ARHGAP42: variants seen among roughly 807,000 people sequenced by gnomAD.
ARHGAP42 encodes the protein Rho GTPase activating protein 42.
ARHGAP42 carries 63 observed loss-of-function variants against 125.0 expected under a neutral mutation model. The ratio of observed to expected loss-of-function variants is 0.50; its 90% confidence interval spans 0.41 to 0.62. The LOEUF (loss-of-function observed/expected upper bound fraction) is 0.62. Ranked by LOEUF, ARHGAP42 falls within the 20% of genes least tolerant of loss-of-function variation. The pLI is 0.00. For synonymous variants in ARHGAP42, 339 were observed against 351.0 expected, an observed-to-expected ratio of 0.97 and a Z score of 0.38; for missense variants, 766 against 1,024.2, an observed-to-expected ratio of 0.75 and a Z score of 3.44.
intron 4 of ARHGAP42, among the ~76,000 whole-genome samples, chr11:100,912,635 A>G (rs1555023197): frequency 6.6e-6 from 1 of 152,216 alleles, no homozygotes; most frequent in Non-Finnish European, 1.5e-5. Context: ...CATTTATAGT[A>G]GTAGAAGATT....
At chr11:100,913,248 A>G (rs1381480272) in intron 4 of ARHGAP42, among the ~76,000 whole-genome samples, 1 of 152,182 alleles carries the variant, frequency 6.6e-6, no homozygotes, top group African/African-American at 2.4e-5. Context: ...CGCAAGATGG[A>G]AAGCTTTTTT....
chr11:100,913,611 T>C (rs916446025), intron 5 of ARHGAP42, 58 bp downstream of exon 5: 22 of 946,730 alleles, frequency 2.3e-5, no homozygotes, highest in Admixed American at 1.8e-4. Context: ...AGTCAAAATT[T>C]CCAAAGGTAA....
intron 4 of ARHGAP42, among the ~76,000 whole-genome samples, chr11:100,864,782 T>A (rs1457382177): frequency 2.0e-5 from 3 of 152,152 alleles, no homozygotes; most frequent in African/African-American, 7.2e-5. Flanking sequence ...GTGTGAAATA[T>A]CTTCGTTATC....
intron 22 of ARHGAP42, among the ~76,000 whole-genome samples, chr11:100,981,154 T>C (rs1399051349): frequency 2.0e-5 from 3 of 152,200 alleles, no homozygotes; most frequent in Non-Finnish European, 4.4e-5. Flanking sequence ...ATCCATACAA[T>C]GAAGATCATA....
chr11:100,767,849 G>A (rs533690781), intron 1 of ARHGAP42, among the ~76,000 whole-genome samples: 1 of 152,172 alleles, frequency 6.6e-6, no homozygotes, highest in East Asian at 1.9e-4. Context: ...TAAGTCTCAG[G>A]GAGAGCACCC....
chr11:100,720,229 C>T (rs564174414), intron 1 of ARHGAP42, among the ~76,000 whole-genome samples: 3 of 152,078 alleles, frequency 2.0e-5, no homozygotes, highest in Non-Finnish European at 4.4e-5. Flanking sequence ...AATTCAGCAG[C>T]CTTTTACTGA....
chr11:100,958,841 C>G (rs895911228), intron 12 of ARHGAP42, among the ~76,000 whole-genome samples: 2 of 152,030 alleles, frequency 1.3e-5, no homozygotes, highest in Admixed American at 1.3e-4. Flanking sequence ...GCCTTTCTGT[C>G]AATCAATTCA....
At chr11:100,777,874 G>A (rs1863168181) in intron 2 of ARHGAP42, among the ~76,000 whole-genome samples, 1 of 152,096 alleles carries the variant, frequency 6.6e-6, no homozygotes, top group African/African-American at 2.4e-5. Flanking sequence ...TTTGTCTAGT[G>A]GTATTGTGAT....
chr11:100,771,750 C>T (rs577232370), intron 2 of ARHGAP42, among the ~76,000 whole-genome samples: 1 of 152,250 alleles, frequency 6.6e-6, no homozygotes, highest in South Asian at 2.1e-4. Flanking sequence ...AGGCACCCGC[C>T]ACCATGCCTG....
In ARHGAP42 at chr11:100,782,907, T is replaced by C. The variant is rs116971740; in HGVS notation, c.251-12198T>C. On this transcript the variant is annotated intron_variant, in intron 2 of 23. Coordinates refer to ENST00000298815, the MANE Select transcript of ARHGAP42 (RefSeq NM_152432.4). ...CTAATTGAAATATACACTTTCCTAC[T>C]TAAATAGTTTAAATCTTTAATTCCT... Among the ~76,000 whole-genome samples, 878 of 152,330 alleles carry C rather than the reference T, an allele frequency of 5.8e-3. 3 individuals carry two copies. The highest frequency in any genetic ancestry group is 0.01 in the Non-Finnish European group (703 of 68,014).
rs368017773 is a variant in ARHGAP42 at position 100,687,646 on chromosome 11, G to T, written c.-33G>T. 7.6e-5 allele frequency: 107 copies of T among 1,406,082 alleles called. 1 individual carries two copies. The highest frequency in any genetic ancestry group is 8.8e-5 in the Non-Finnish European group (94 of 1,067,924). 87.1% of individuals were successfully genotyped at this position (1,406,082 alleles called of 1,614,324 possible). On this transcript the variant is annotated 5_prime_UTR_variant, in exon 1 of 24. Transcript: ENST00000298815. ...CCCCGCCCTGACCTCCGGCCCGGAC[G>T]TGTCCGCGGCCGCCGCTGGCAGCGC...
intron 3 of ARHGAP42, chr11:100,840,750 C>T (rs765976378): frequency 3.9e-5 from 6 of 152,078 alleles, no homozygotes; most frequent in South Asian, 2.1e-4. Context: ...TCTGATGAAG[C>T]GCCTAATTGT....
intron 4 of ARHGAP42, among the ~76,000 whole-genome samples, chr11:100,884,691 G>A (rs1047907530): frequency 2.6e-5 from 4 of 151,778 alleles, no homozygotes; most frequent in African/African-American, 4.8e-5. Flanking sequence ...CCCCAACCCC[G>A]TCCCACTACC....
chr11:100,818,923 G>A (rs917323070), intron 3 of ARHGAP42, among the ~76,000 whole-genome samples: 7 of 152,138 alleles, frequency 4.6e-5, no homozygotes, highest in African/African-American at 1.4e-4. Flanking sequence ...GTAGGGAGAT[G>A]CAAAAACATG....
At chr11:100,904,025 C>A (rs1866650992) in intron 4 of ARHGAP42, among the ~76,000 whole-genome samples, 1 of 151,870 alleles carries the variant, frequency 6.6e-6, no homozygotes, top group South Asian at 2.1e-4. Flanking sequence ...GTGGATCTGC[C>A]TTCCCCAGCC....
Position 100,728,755 on chromosome 11 carries a change from T to TATATAC in ARHGAP42, c.154+40925_154+40926insATACAT, listed in dbSNP as rs1364139152. Among the ~76,000 whole-genome samples, 183 of 108,728 alleles carry TATATAC rather than the reference T, an allele frequency of 1.7e-3. 1 individual carries two copies. The highest frequency in any genetic ancestry group is 3.2e-3 in the Non-Finnish European group (158 of 49,812). The allele number at this position is 108,728 out of a possible 152,430, so 71.3% of individuals were successfully genotyped here. On this transcript the variant is annotated intron_variant, in intron 1 of 23. Transcript: ENST00000298815. ...ATATATATATATATATATATATATATATGCACACTTTTCTTTTTTAATTTT... is the reference window on the plus strand; with the variant it reads ...ATATATATATATATATATATATATATATATACATGCACACTTTTCTTTTTTAATTTT...
At chr11:100,753,133 T>G (rs1345393508) in intron 1 of ARHGAP42, among the ~76,000 whole-genome samples, 1 of 152,072 alleles carries the variant, frequency 6.6e-6, no homozygotes, top group Non-Finnish European at 1.5e-5. Context: ...TGGTTCTCTG[T>G]GTACAGGGCA....
intron 3 of ARHGAP42, among the ~76,000 whole-genome samples, chr11:100,826,490 G>A (rs1864517417): frequency 6.6e-6 from 1 of 152,172 alleles, no homozygotes; most frequent in South Asian, 2.1e-4. Flanking sequence ...CTATACAGAT[G>A]TAACTTTGGG....
rs191024952 is a variant in ARHGAP42 at position 100,881,294 on chromosome 11, G to A, written c.384+21669G>A. 3.8e-3 allele frequency among the ~76,000 whole-genome samples: 574 copies of A among 152,190 alleles called. 3 individuals carry two copies. The highest frequency in any genetic ancestry group is 4.1e-3 in the Non-Finnish European group (282 of 68,002). On this transcript the variant is annotated intron_variant, in intron 4 of 23. Transcript: ENST00000298815. ...GAGATCCAGTTTCATTCTCTTACAT[G>A]TGGCTTGCTAATTACCCCAGCATCA...
Sources: gnomAD v4.1 joint callset for allele counts (sites outside exome capture counted in the v4.1 genomes callset) on GRCh38, gnomAD v4.1.1 for gene constraint, MANE v1.5 for transcripts, NCBI Gene and HGNC (gene_info 2026-07-23, HGNC 2026-07-21) for gene names.